The following MSH3 variants were observed in gnomAD, a reference collection of about 807,000 sequenced individuals.
MSH3 encodes DNA mismatch repair protein Msh3.
A neutral mutation model predicts 123.3 loss-of-function variants in MSH3; 106 were observed. That is an observed-to-expected ratio of 0.86 (90% confidence interval 0.73 to 1.01). The LOEUF (loss-of-function observed/expected upper bound fraction) is 1.01. Among genes scored for constraint, MSH3 ranks in the 50% least tolerant of loss-of-function variants. MSH3 has a pLI of 0.00. For synonymous variants in MSH3, 515 were observed against 481.4 expected, an observed-to-expected ratio of 1.07 and a Z score of -0.91; for missense variants, 1,459 against 1,347.6, an observed-to-expected ratio of 1.08 and a Z score of -1.29.
chr5:80,741,319 A>G (rs1267543892), intron 10 of MSH3, 145 bp from the exon 11 acceptor site: 1 of 663,818 alleles, frequency 1.5e-6, no homozygotes, highest in Non-Finnish European at 2.7e-6. Context: ...AGCCTGATGA[A>G]TTTTCATTTT....
intron 2 of MSH3, among the ~76,000 whole-genome samples, chr5:80,659,855 A>C (rs961544570): frequency 5.9e-5 from 9 of 152,122 alleles, no homozygotes; most frequent in African/African-American, 2.2e-4. Context: ...TGGCTACTCT[A>C]TAATGCATTC....
intron 22 of MSH3, among the ~76,000 whole-genome samples, chr5:80,867,425 GC>G (rs1406181562): frequency 6.6e-6 from 1 of 152,122 alleles, no homozygotes; most frequent in Admixed American, 6.6e-5. Flanking sequence ...TCTCATGATT[GC>G]CTCATTGCAT....
At chr5:80,745,778 A>G (rs1258372856) in intron 12 of MSH3, among the ~76,000 whole-genome samples, 1 of 152,232 alleles carries the variant, frequency 6.6e-6, no homozygotes, top group African/African-American at 2.4e-5. Context: ...CACACCACAC[A>G]GTATGCTAGG....
intron 20 of MSH3, among the ~76,000 whole-genome samples, chr5:80,833,378 A>G (rs1044557292): frequency 2.0e-5 from 3 of 152,186 alleles, no homozygotes; most frequent in Non-Finnish European, 4.4e-5. Flanking sequence ...TTTTAACATC[A>G]TTGTCTAGTA....
chr5:80,708,138 A>G (rs1239999227), intron 8 of MSH3, among the ~76,000 whole-genome samples: 3 of 152,188 alleles, frequency 2.0e-5, no homozygotes, highest in African/African-American at 4.8e-5. Flanking sequence ...AGAAGGTTTT[A>G]ATTTGGTGAA....
At chr5:80,838,716 A>T (rs1431666627) in intron 20 of MSH3, among the ~76,000 whole-genome samples, 1 of 152,098 alleles carries the variant, frequency 6.6e-6, no homozygotes, top group Non-Finnish European at 1.5e-5. Flanking sequence ...TTTTACAGAC[A>T]AGGAAGCTAC....
At chr5:80,776,949 T>TA (rs1744315988) in intron 16 of MSH3, among the ~76,000 whole-genome samples, 1 of 148,806 alleles carries the variant, frequency 6.7e-6, no homozygotes, top group Admixed American at 6.7e-5. Flanking sequence ...TTCTTTTTTT[T>TA]AAGACAGAGT....
intron 8 of MSH3, among the ~76,000 whole-genome samples, chr5:80,713,492 G>A (rs1750896550): frequency 7.0e-6 from 1 of 143,794 alleles, no homozygotes; most frequent in Admixed American, 6.8e-5. Flanking sequence ...CAGAAGGGAG[G>A]TTGCCACCTT....
intron 13 of MSH3, among the ~76,000 whole-genome samples, chr5:80,761,914 C>G (rs1297631543): frequency 6.6e-6 from 1 of 151,952 alleles, no homozygotes; most frequent in Non-Finnish European, 1.5e-5. Flanking sequence ...AACATAGAGG[C>G]CCTTCTGTTA....
At position 80,810,172 on chromosome 5, in the gene MSH3, C is replaced by CATATATATATATATATATATATATAT. The variant is rs113702568; in HGVS notation, c.2656-3389_2656-3388insTATATATATATATATATATATATATA. ...GGTTTTTATTCTTTTGTTTGACATA[C>CATATATATATATATATATATATATAT]ATATATATATATATATATATATAAA... On this transcript the variant is annotated intron_variant, in intron 19 of 23. Transcript: ENST00000265081. Among the ~76,000 whole-genome samples, 1,011 of 121,076 alleles carry CATATATATATATATATATATATATAT rather than the reference C, an allele frequency of 8.4e-3. 26 individuals carry two copies. The highest frequency in any genetic ancestry group is 0.011 in the South Asian group (37 of 3,250). The allele number at this position is 121,076 out of a possible 152,430, so 79.4% of individuals were successfully genotyped here.
At chr5:80,818,802 A>G (rs1202266263) in intron 20 of MSH3, among the ~76,000 whole-genome samples, 2 of 152,230 alleles carry the variant, frequency 1.3e-5, no homozygotes, top group African/African-American at 4.8e-5. Context: ...CCATGAATTG[A>G]TCATTGTTTG....
intron 20 of MSH3, among the ~76,000 whole-genome samples, chr5:80,819,893 G>A (rs1003323185): frequency 1.3e-5 from 2 of 152,194 alleles, no homozygotes; most frequent in African/African-American, 4.8e-5. Context: ...CATAGGGCCT[G>A]TGTCCCTGCA....
intron 12 of MSH3, among the ~76,000 whole-genome samples, chr5:80,749,331 T>A (rs1037224028): frequency 6.6e-6 from 1 of 152,154 alleles, no homozygotes; most frequent in African/African-American, 2.4e-5. Flanking sequence ...GTTGAAGAAC[T>A]GAGAGTCTGA....
At chr5:80,686,520 C>T (rs1750096787) in intron 8 of MSH3, among the ~76,000 whole-genome samples, 1 of 151,972 alleles carries the variant, frequency 6.6e-6, no homozygotes, top group African/African-American at 2.4e-5. Context: ...CCATGTTGTC[C>T]AGGCTGGTCT....
intron 19 of MSH3, among the ~76,000 whole-genome samples, chr5:80,812,805 T>G (rs2112052970): frequency 6.6e-6 from 1 of 152,060 alleles, no homozygotes; most frequent in Admixed American, 6.5e-5. Flanking sequence ...GCGATCCACC[T>G]CCTTGGCCTC....
At chr5:80,777,974 C>T (rs972802146) in intron 16 of MSH3, among the ~76,000 whole-genome samples, 2 of 152,162 alleles carry the variant, frequency 1.3e-5, no homozygotes, top group Non-Finnish European at 2.9e-5. Context: ...TTATTATCCC[C>T]GTTTCATAGA....
At chr5:80,691,948 T>TATAGATAAACAGTATGTTTAG (rs1750273411) in intron 8 of MSH3, among the ~76,000 whole-genome samples, 1 of 82,786 alleles carries the variant, frequency 1.2e-5, no homozygotes, top group African/African-American at 4.0e-5. Flanking sequence ...TATATGTTTA[T>TATAGATAAACAGTATGTTTAG]ATAGATAAAC....
Position 80,688,465 on chromosome 5 carries a change from C to T in MSH3, c.1340+9372C>T, listed in dbSNP as rs191141824. Among the ~76,000 whole-genome samples, 316 of 152,188 alleles carry T rather than the reference C, an allele frequency of 2.1e-3. 2 individuals are homozygous for T. The highest frequency in any genetic ancestry group is 7.3e-3 in the African/African-American group (302 of 41,538). On this transcript the variant is annotated intron_variant, in intron 8 of 23. Coordinates refer to ENST00000265081, the MANE Select transcript of MSH3 (RefSeq NM_002439.5). ...CACCTGAATGTCACTTATGGTGACA[C>T]GTGTTTGAAATTACCATAGTAGCAT...
At chr5:80,667,222 T>TTTTTACAATAAG (rs1408426285) in intron 3 of MSH3, among the ~76,000 whole-genome samples, 2 of 152,184 alleles carry the variant, frequency 1.3e-5, no homozygotes, top group Non-Finnish European at 2.9e-5. Flanking sequence ...TAAGAATAAG[T>TTTTTACAATAAG]TTTTACAATG....
Sources: allele counts gnomAD v4.1 joint callset (sites outside exome capture counted in the v4.1 genomes callset), GRCh38; gene constraint gnomAD v4.1.1; transcripts MANE v1.5; gene names NCBI Gene and HGNC (gene_info 2026-07-23, HGNC 2026-07-21).